FRMD4B: variants seen among roughly 807,000 people sequenced by gnomAD.
FRMD4B encodes the protein FERM domain-containing protein 4B.
In FRMD4B, 74 loss-of-function variants were observed where a neutral mutation model predicts 141.5. That is an observed-to-expected ratio of 0.52 (90% confidence interval 0.43 to 0.63). The LOEUF is 0.63. Among genes scored for constraint, FRMD4B ranks in the 30% least tolerant of loss-of-function variants. The probability of loss-of-function intolerance (pLI) is 0.00; values close to 1 mark genes in which losing one functional copy is unlikely to be tolerated. For synonymous variants in FRMD4B, 506 were observed against 467.9 expected (o/e 1.08, Z -1.05); for missense variants, 1,366 against 1,253.4 (o/e 1.09, Z -1.36).
In FRMD4B at chr3:69,175,725, A is replaced by C. The variant is rs139782393; in HGVS notation, c.2984+799T>G. 5.9e-5 allele frequency among the ~76,000 whole-genome samples: 9 copies of C among 152,144 alleles called. No homozygotes were observed. In the East Asian group the frequency reaches 1.7e-3, roughly 29 times the overall value. On this transcript the variant is annotated intron_variant, in intron 22 of 22. Coordinates refer to ENST00000398540, the MANE Select transcript of FRMD4B (RefSeq NM_015123.3). ...GAATTCAATGTACAGACTAAAGAAC[A>C]GAATGCGTTAGATGAGGGGTTAGCA...
At chr3:69,304,863 T>G (rs1701342407) in intron 3 of FRMD4B, among the ~76,000 whole-genome samples, 1 of 152,180 alleles carries the variant, frequency 6.6e-6, no homozygotes, top group Non-Finnish European at 1.5e-5. Context: ...GAAGACATTT[T>G]CAAACCTATT....
In FRMD4B at chr3:69,407,325, G is replaced by C. The variant is rs375444215; in HGVS notation, c.-1+25309C>G. ...ACCTATGAAGCCACTTAGTAAAGGC[G>C]AGCGTTAGATGGGACTTAGGAATAT... On this transcript the variant is annotated intron_variant, in intron 2 of 5. Coordinates refer to the FRMD4B transcript ENST00000459638. Among the ~76,000 whole-genome samples the C allele has an allele frequency of 5.8e-4, 88 of 152,264 alleles. 1 individual carries two copies. The East Asian group carries it at 0.016, about 27-fold the overall frequency.
intron 7 of FRMD4B, among the ~76,000 whole-genome samples, chr3:69,233,520 T>C (rs2093325328): frequency 6.6e-6 from 1 of 151,986 alleles, no homozygotes; most frequent in African/African-American, 2.4e-5. Flanking sequence ...GGTCTGGAGT[T>C]CTTTTTTCAC....
chr3:69,440,378 A>G (rs1171093580), intron 1 of FRMD4B, among the ~76,000 whole-genome samples: 3 of 152,222 alleles, frequency 2.0e-5, no homozygotes, highest in East Asian at 1.9e-4. Flanking sequence ...TTAGTTCATC[A>G]TTGGGCTCTC....
intron 5 of FRMD4B, chr3:69,250,323 T>G (rs570726590): frequency 5.9e-5 from 19 of 321,464 alleles, no homozygotes; most frequent in South Asian, 2.8e-4. Flanking sequence ...GTGTGTCTAT[T>G]TTAAATAGCT....
At chr3:69,464,018 C>T (rs1173237966) in intron 1 of FRMD4B, among the ~76,000 whole-genome samples, 1 of 152,176 alleles carries the variant, frequency 6.6e-6, no homozygotes, top group Admixed American at 6.5e-5. Flanking sequence ...AGTGAAGCCT[C>T]ACCTTGATCC....
intron 10 of FRMD4B, among the ~76,000 whole-genome samples, chr3:69,217,583 C>G (rs975372120): frequency 2.0e-5 from 3 of 152,174 alleles, no homozygotes; most frequent in Non-Finnish European, 4.4e-5. Flanking sequence ...GATCACGCCA[C>G]TGCACTCCAG....
intron 4 of FRMD4B, chr3:69,293,189 G>T (rs532147830): frequency 7.8e-6 from 2 of 256,702 alleles, no homozygotes; most frequent in Admixed American, 5.3e-5. Context: ...ATGTCAAAGA[G>T]CACAACACCC....
At chr3:69,186,237 TTC>T (rs1433808705) in intron 19 of FRMD4B, among the ~76,000 whole-genome samples, 3 of 138,380 alleles carry the variant, frequency 2.2e-5, no homozygotes, top group Non-Finnish European at 4.6e-5. Flanking sequence ...TCTTTTTTTT[TTC>T]TTTTTCCTTT....
At position 69,385,998 on chromosome 3, in the gene FRMD4B, C is replaced by T. The variant is rs1161707778; in HGVS notation, c.-9G>A. ...ATGAACACCGAAGCCATGCCTCCTC[C>T]TTCGCTCTGAACCCGGGCGTCCCGG... On this transcript the variant is annotated 5_prime_UTR_variant, in exon 1 of 23. Transcript: ENST00000398540. 1.9e-6 allele frequency: 3 copies of T among 1,576,268 alleles called. No homozygotes were observed. Among genetic ancestry groups the T allele is most frequent in the African/African-American group, 2.7e-5 (2 of 73,542 alleles).
In FRMD4B at chr3:69,224,703, G is replaced by A; in HGVS notation, c.582-13C>T. 1 of 1,343,630 alleles carries A rather than the reference G, an allele frequency of 7.4e-7. No homozygotes were observed. The highest frequency in any genetic ancestry group is 1.1e-6 in the Non-Finnish European group (1 of 950,652). The allele number at this position is 1,343,630 out of a possible 1,614,324, so 83.2% of individuals were successfully genotyped here. On this transcript the variant is annotated splice_polypyrimidine_tract_variant and intron_variant, in intron 7 of 22. Transcript: ENST00000398540. ...GGCATTTTCATCACTAAAAAGAAAT[G>A]GAATATGGTAATGTCAGGTACTGTT...
At chr3:69,464,783 CT>C (rs1359561437) in intron 1 of FRMD4B, among the ~76,000 whole-genome samples, 1 of 152,170 alleles carries the variant, frequency 6.6e-6, no homozygotes, top group East Asian at 1.9e-4. Flanking sequence ...GAACCTGAAT[CT>C]TAACAACTAT....
At chr3:69,343,585 T>TTTTG (rs1702821207) in intron 1 of FRMD4B, among the ~76,000 whole-genome samples, 3 of 148,616 alleles carry the variant, frequency 2.0e-5, no homozygotes, top group Non-Finnish European at 4.5e-5. Context: ...TTGTTTTTTT[T>TTTTG]TTTTTTTTTT....
chr3:69,235,854 C>A lies in FRMD4B; in HGVS notation c.582-11164G>T, dbSNP rs913063399. 3.9e-5 allele frequency among the ~76,000 whole-genome samples: 6 copies of A among 152,166 alleles called. No homozygotes were observed. In the East Asian group the frequency reaches 1.2e-3, roughly 29 times the overall value. Reference sequence around the variant, plus strand: ...GATTAAGCAATTTAAACTCACAAAGCAAATACGACTCCAAACCTGTGCTTT... The same window carrying A: ...GATTAAGCAATTTAAACTCACAAAGAAAATACGACTCCAAACCTGTGCTTT... On this transcript the variant is annotated intron_variant, in intron 7 of 22. Transcript: ENST00000398540.
intron 1 of FRMD4B, among the ~76,000 whole-genome samples, chr3:69,320,501 G>A (rs985757243): frequency 1.3e-5 from 2 of 152,158 alleles, no homozygotes; most frequent in African/African-American, 4.8e-5. Flanking sequence ...GCTGAGGCAG[G>A]AGGATCGCTG....
chr3:69,483,009 A>G (rs1706155972), intron 1 of FRMD4B, among the ~76,000 whole-genome samples: 1 of 152,240 alleles, frequency 6.6e-6, no homozygotes, highest in African/African-American at 2.4e-5. Context: ...TGCATTGAAT[A>G]TCCCAATAAT....
At chr3:69,336,263 A>G (rs888110130) in intron 1 of FRMD4B, among the ~76,000 whole-genome samples, 2 of 152,246 alleles carry the variant, frequency 1.3e-5, no homozygotes, top group African/African-American at 4.8e-5. Context: ...TAGGACTCAC[A>G]GCAGCATCAA....
At chr3:69,345,157 T>A (rs549295731) in intron 1 of FRMD4B, among the ~76,000 whole-genome samples, 2 of 152,190 alleles carry the variant, frequency 1.3e-5, no homozygotes, top group Non-Finnish European at 2.9e-5. Context: ...ACTTTTCCAA[T>A]GGTCTTAGCA....
intron 2 of FRMD4B, among the ~76,000 whole-genome samples, chr3:69,312,312 T>C (rs1396554181): frequency 1.3e-5 from 2 of 152,050 alleles, no homozygotes; most frequent in Non-Finnish European, 2.9e-5. Flanking sequence ...ACGATGGCTG[T>C]TGGGGATAAA....
Sources: allele counts gnomAD v4.1 joint callset (sites outside exome capture counted in the v4.1 genomes callset), GRCh38; gene constraint gnomAD v4.1.1; transcripts MANE v1.5; gene names NCBI Gene and HGNC (gene_info 2026-07-23, HGNC 2026-07-21).